Variants in FGD5 observed in about 807,000 individuals in gnomAD.
FGD5 encodes FYVE, RhoGEF and PH domain-containing protein 5.
In FGD5, 28 loss-of-function variants were observed where a neutral mutation model predicts 133.4. The observed-to-expected ratio is 0.21, with a 90% CI of 0.16 to 0.29. The LOEUF (loss-of-function observed/expected upper bound fraction) is 0.29. FGD5 is among the 10% of genes least tolerant of loss of function. The pLI is 1.00. For synonymous variants in FGD5, 810 were observed against 776.5 expected (o/e 1.04, Z -0.72); for missense variants, 1,858 against 1,895.2 (o/e 0.98, Z 0.36).
rs564357914 is a variant in FGD5, at chr3:14,828,242, C to G, written c.2525+6646C>G. Among the ~76,000 whole-genome samples the G allele has an allele frequency of 4.6e-5, 7 of 152,210 alleles. 1 individual carries two copies. In the South Asian group the frequency reaches 8.3e-4, roughly 18 times the overall value. Reference sequence around the variant, plus strand: ...ACTGAAATGCAAGGTAGAAAAGGCCCAGGACCCAAAGAGTAGGAGTCCAGA... The same window carrying G: ...ACTGAAATGCAAGGTAGAAAAGGCCGAGGACCCAAAGAGTAGGAGTCCAGA... On this transcript the variant is annotated intron_variant, in intron 1 of 19. Transcript: ENST00000285046.
intron 17 of FGD5, among the ~76,000 whole-genome samples, chr3:14,925,129 C>CA (rs2038774345): frequency 2.0e-5 from 2 of 101,602 alleles, no homozygotes; most frequent in Admixed American, 2.0e-4. Context: ...AAAAAAAAAA[C>CA]ACATACATGG....
rs1364400671 is a variant in FGD5, at chr3:14,917,426, A to G, written c.3489+94A>G. ...TCCTGCTCCCAGGAGCACCCAGACC[A>G]GCTGGAAGAGGGAGGCCCTGCGGAA... On this transcript the variant is annotated intron_variant, in intron 12 of 19. Coordinates refer to ENST00000285046, the MANE Select transcript of FGD5 (RefSeq NM_152536.4). This position sits in a 1 kb window ranked among gnomAD's most constrained non-coding sequence, Gnocchi z 4.1. 11 of 1,153,586 alleles carry G rather than the reference A, an allele frequency of 9.5e-6. No homozygotes were observed. Among genetic ancestry groups the G allele is most frequent in the African/African-American group, 4.6e-5 (3 of 64,832 alleles). The allele number at this position is 1,153,586 out of a possible 1,614,324, so 71.5% of individuals were successfully genotyped here. A position where few individuals can be genotyped will look rare whatever the true frequency, so the allele number is the denominator to read the frequency against.
intron 1 of FGD5, among the ~76,000 whole-genome samples, chr3:14,828,081 T>C (rs17040332): frequency 0.015 from 2,299 of 152,002 alleles, 69 homozygotes; most frequent in African/African-American, 0.052. Flanking sequence ...CTGGTGATGG[T>C]TGTTTGTGAA....
chr3:14,830,024 A>G lies in FGD5; in HGVS notation c.2525+8428A>G, dbSNP rs551053825. Among the ~76,000 whole-genome samples, 11 of 152,330 alleles carry G rather than the reference A, an allele frequency of 7.2e-5. No individual in the cohort carries two copies. The South Asian group carries it at 2.1e-3, about 29-fold the overall frequency. ...GTGGGAATGTGACAGAGTTGCAGCT[A>G]AGCCTCCTGCTGACTGGTTCCATTG... On this transcript the variant is annotated intron_variant, in intron 1 of 19. Coordinates refer to ENST00000285046, the MANE Select transcript of FGD5 (RefSeq NM_152536.4).
At chr3:14,871,023 C>G (rs1385494428) in intron 2 of FGD5, among the ~76,000 whole-genome samples, 2 of 152,238 alleles carry the variant, frequency 1.3e-5, no homozygotes, top group African/African-American at 4.8e-5. Flanking sequence ...ACCTCAGACC[C>G]TTTGCCATTG....
At chr3:14,840,471 C>G (rs2036900292) in intron 1 of FGD5, among the ~76,000 whole-genome samples, 2 of 152,088 alleles carry the variant, frequency 1.3e-5, no homozygotes, top group African/African-American at 4.8e-5. Flanking sequence ...TCTCCCTCCC[C>G]CCAACCCTCT....
intron 1 of FGD5, among the ~76,000 whole-genome samples, chr3:14,823,584 GAC>G (rs1428731967): frequency 6.6e-6 from 1 of 152,214 alleles, no homozygotes; most frequent in Non-Finnish European, 1.5e-5. Context: ...AGGAAACTGT[GAC>G]ACAGAGAGGA....
In FGD5 at chr3:14,922,382, A is replaced by G. The variant is rs777293046; in HGVS notation, c.3670-29A>G. On this transcript the variant is annotated intron_variant, in intron 14 of 19. Coordinates refer to ENST00000285046, the MANE Select transcript of FGD5 (RefSeq NM_152536.4). This position sits in a 1 kb window ranked among gnomAD's most constrained non-coding sequence, Gnocchi z 4.1. ...CTGGCTGGTCTCCTGGCCACATTCC[A>G]CATTACTCAGCCAATTCTGTTGCTG... 4 of 1,557,664 alleles carry G rather than the reference A, an allele frequency of 2.6e-6. No individual in the cohort carries two copies. In the East Asian group the frequency reaches 9.7e-5, roughly 38 times the overall value.
intron 18 of FGD5, among the ~76,000 whole-genome samples, chr3:14,928,606 A>G (rs1002294732): frequency 6.6e-6 from 1 of 152,100 alleles, no homozygotes; most frequent in Non-Finnish European, 1.5e-5. Flanking sequence ...TTAGCCAGGG[A>G]TGGTGGCACG....
Position 14,922,608 on chromosome 3 carries a change from C to T in FGD5, c.3807+60C>T. On this transcript the variant is annotated intron_variant, in intron 15 of 19. Transcript: ENST00000285046. The surrounding 1 kb of genome is among the most constrained non-coding windows in gnomAD (Gnocchi z 4.1). Reference sequence around the variant, plus strand: ...GGGGTGGGGTGGGGGAAGGGCATGTCCCTGCCCAGCCGGGGGCTCAGGGAT... The same window carrying T: ...GGGGTGGGGTGGGGGAAGGGCATGTTCCTGCCCAGCCGGGGGCTCAGGGAT... 6.6e-7 allele frequency: 1 copy of T among 1,526,472 alleles called. No homozygotes were observed. Among genetic ancestry groups the T allele is most frequent in the South Asian group, 1.2e-5 (1 of 82,172 alleles). The allele number at this position is 1,526,472 out of a possible 1,614,324, so 94.6% of individuals were successfully genotyped here. A position where few individuals can be genotyped will look rare whatever the true frequency, so the allele number is the denominator to read the frequency against.
chr3:14,856,612 G>A (rs535945584), intron 1 of FGD5, among the ~76,000 whole-genome samples: 1 of 150,826 alleles, frequency 6.6e-6, no homozygotes, highest in Non-Finnish European at 1.5e-5. Flanking sequence ...TTTCTAGATT[G>A]GGCTTTTCTT....
intron 1 of FGD5, among the ~76,000 whole-genome samples, chr3:14,812,972 C>T (rs992454601): frequency 6.6e-6 from 1 of 152,122 alleles, no homozygotes; most frequent in African/African-American, 2.4e-5. Context: ...CCATTGCCAT[C>T]CCCATTTTAT....
At chr3:14,876,766 C>A (rs77969763) in intron 2 of FGD5, among the ~76,000 whole-genome samples, 1 of 152,182 alleles carries the variant, frequency 6.6e-6, no homozygotes. Flanking sequence ...CTCAGAGGTT[C>A]TCAGGCTATA....
At chr3:14,830,086 C>G (rs2036678209) in intron 1 of FGD5, among the ~76,000 whole-genome samples, 1 of 152,188 alleles carries the variant, frequency 6.6e-6, no homozygotes, top group Non-Finnish European at 1.5e-5. Flanking sequence ...TTGGCATATC[C>G]TAGCTGTGGT....
chr3:14,897,659 C>T lies in FGD5; in HGVS notation c.2899C>T (p.Leu967=), dbSNP rs1424374562. 3 of 1,603,462 alleles carry T rather than the reference C, an allele frequency of 1.9e-6. No homozygotes were observed. Among genetic ancestry groups the T allele is most frequent in the South Asian group, 2.3e-5 (2 of 88,874 alleles). The change falls in exon 5 of 20, where the codon CTG becomes TTG. Residue 967 remains leucine (L), a synonymous_variant. Coordinates refer to ENST00000285046, the MANE Select transcript of FGD5 (RefSeq NM_152536.4). ...QGILEELEER[L]SNWESQQKVA... ...CATCCTGGAGGAGCTGGAGGAAAGG[C>T]TGTCAAATTGGTGAGCAGTCCCTGG...
chr3:14,915,141 A>G (rs1466895573), intron 11 of FGD5, among the ~76,000 whole-genome samples: 1 of 152,036 alleles, frequency 6.6e-6, no homozygotes. Context: ...CAGTGCCCCA[A>G]CCCCCACCTA....
intron 2 of FGD5, among the ~76,000 whole-genome samples, chr3:14,872,448 A>G (rs2037630573): frequency 6.6e-6 from 1 of 152,204 alleles, no homozygotes; most frequent in Non-Finnish European, 1.5e-5. Context: ...GCCTCTGGCT[A>G]AAGCCTTTAG....
chr3:14,814,170 A>C (rs2036336147), upstream of FGD5, among the ~76,000 whole-genome samples: 1 of 152,162 alleles, frequency 6.6e-6, no homozygotes, highest in African/African-American at 2.4e-5. Context: ...AGCCTTCTCC[A>C]GAGGAACTCA....
Position 14,917,133 on chromosome 3 carries a change from G to GT in FGD5, c.3406-114dup, listed in dbSNP as rs905708969. The GT allele has an allele frequency of 1.1e-4, 90 of 850,396 alleles. 1 individual carries two copies. The highest frequency in any genetic ancestry group is 3.4e-4 in the African/African-American group (20 of 58,030). 52.7% of individuals were successfully genotyped at this position (850,396 alleles called of 1,614,324 possible). On this transcript the variant is annotated intron_variant, in intron 11 of 19. Transcript: ENST00000285046. This position sits in a 1 kb window ranked among gnomAD's most constrained non-coding sequence, Gnocchi z 4.1. The stretch of plus-strand genomic sequence containing the variant: ...GCAACGTTTTTGCTCACCTGTGGGG[G>GT]TTACTGAGGAATACAAGATGCCTGT...
Sources: allele counts gnomAD v4.1 joint callset (sites outside exome capture counted in the v4.1 genomes callset), GRCh38; gene constraint gnomAD v4.1.1; non-coding constraint Gnocchi (gnomAD v3.1); transcripts MANE v1.5; gene names NCBI Gene and HGNC (gene_info 2026-07-23, HGNC 2026-07-21).